The following SFXN5 variants were observed in gnomAD, a reference collection of about 807,000 sequenced individuals.
SFXN5 encodes sideroflexin 5.
SFXN5 carries 43 observed loss-of-function variants against 50.2 expected under a neutral mutation model. The ratio of observed to expected loss-of-function variants is 0.86; its 90% CI spans 0.67 to 1.11. The LOEUF (loss-of-function observed/expected upper bound fraction) is 1.11. SFXN5 is among the 50% of genes least tolerant of loss of function. The pLI, the probability that SFXN5 is intolerant of heterozygous loss-of-function variation, is 0.00. For missense variants in SFXN5, 463 were observed against 454.1 expected, an observed-to-expected ratio of 1.02 and a Z score of -0.18; for synonymous variants, 203 against 185.8, an observed-to-expected ratio of 1.09 and a Z score of -0.75.
intron 13 of SFXN5, among the ~76,000 whole-genome samples, chr2:72,955,284 G>GCCGC (rs1196636938): frequency 2.0e-5 from 3 of 151,838 alleles, no homozygotes; most frequent in East Asian, 1.9e-4. Context: ...TCGCCCGCCC[G>GCCGC]CCGCCCGCCC....
intron 6 of SFXN5, among the ~76,000 whole-genome samples, chr2:73,012,105 GTTAT>G (rs935703257): frequency 1.3e-5 from 2 of 152,130 alleles, no homozygotes; most frequent in African/African-American, 4.8e-5. Context: ...TAAGTATATT[GTTAT>G]ATTTTAATGG....
intron 8 of SFXN5, among the ~76,000 whole-genome samples, chr2:72,999,739 C>A (rs369448465): frequency 2.0e-5 from 3 of 152,144 alleles, no homozygotes; most frequent in Admixed American, 6.5e-5. Context: ...CTCCTCTCCC[C>A]CAAGGTGAGC....
Position 72,992,141 on chromosome 2 carries a change from G to T in SFXN5, c.535-3793C>A, listed in dbSNP as rs1271845131. Among the ~76,000 whole-genome samples the T allele has an allele frequency of 6.6e-6, 1 of 152,204 alleles. No homozygotes were observed. Among genetic ancestry groups the T allele is most frequent in the Admixed American group, 6.5e-5 (1 of 15,284 alleles). On this transcript the variant is annotated intron_variant, in intron 9 of 13. Transcript: ENST00000272433. The surrounding 1 kb of genome is among the most constrained non-coding windows in gnomAD (Gnocchi z 4.5). ...CTTGACCACCTATCTCCAAGGTCTGGCTACTGGGCCAGTGAATTTGCCATG... is the reference window on the plus strand; with the variant it reads ...CTTGACCACCTATCTCCAAGGTCTGTCTACTGGGCCAGTGAATTTGCCATG...
At chr2:73,057,105 C>T (rs1682241860) in intron 2 of SFXN5, among the ~76,000 whole-genome samples, 1 of 152,136 alleles carries the variant, frequency 6.6e-6, no homozygotes, top group Non-Finnish European at 1.5e-5. Flanking sequence ...AAGGGATTAA[C>T]TACTAATACA....
intron 2 of SFXN5, among the ~76,000 whole-genome samples, chr2:73,050,392 G>GCACACA (rs35090808): frequency 1.4e-5 from 2 of 146,506 alleles, no homozygotes; most frequent in African/African-American, 2.6e-5. Context: ...CACAGCGCAC[G>GCACACA]CACACACACA....
intron 6 of SFXN5, among the ~76,000 whole-genome samples, chr2:73,010,447 C>T (rs545996866): frequency 1.9e-4 from 29 of 152,278 alleles, no homozygotes; most frequent in Admixed American, 1.7e-3. Flanking sequence ...ACAATAGAAG[C>T]CAGTACTGAA....
At position 72,973,370 on chromosome 2, in the gene SFXN5, C is replaced by T. The variant is rs755320808; in HGVS notation, c.626-1685G>A. On this transcript the variant is annotated intron_variant, in intron 10 of 13. Coordinates refer to ENST00000272433, the MANE Select transcript of SFXN5 (RefSeq NM_144579.3). This position sits in a 1 kb window ranked among gnomAD's most constrained non-coding sequence, Gnocchi z 5.5. ...GGGGCGGTTCTGTGGGGCATTTGGC[C>T]ATGTTTGAGGGCATTTTCAGTGATT... 1.1e-3 allele frequency: 179 copies of T among 169,078 alleles called. 2 individuals are homozygous for T. Among genetic ancestry groups the T allele is most frequent in the Non-Finnish European group, 3.7e-4 (25 of 68,186 alleles). 10.5% of individuals were successfully genotyped at this position (169,078 alleles called of 1,614,324 possible). A position where few individuals can be genotyped will look rare whatever the true frequency, so the allele number is the denominator to read the frequency against.
intron 10 of SFXN5, among the ~76,000 whole-genome samples, chr2:72,987,350 C>T (rs1447001810): frequency 1.3e-5 from 2 of 151,658 alleles, no homozygotes; most frequent in African/African-American, 4.8e-5. Flanking sequence ...CCTCATGATC[C>T]GCCTACCTCG....
At chr2:72,970,957 G>A (rs761165900) in intron 11 of SFXN5, among the ~76,000 whole-genome samples, 19 of 152,144 alleles carry the variant, frequency 1.2e-4, no homozygotes, top group Non-Finnish European at 2.5e-4. Flanking sequence ...CAAAGTGCTA[G>A]AATTACAGGC....
rs370175665 is a variant in SFXN5, at chr2:72,965,597, GC to G, written c.827+2850del. ...CCCTAGACACTGCCGTGGGGTCGGA[GC>G]CCCACAGCCTGCCCATCTGTATGCT... On this transcript the variant is annotated intron_variant, in intron 12 of 13. Coordinates refer to ENST00000272433, the MANE Select transcript of SFXN5 (RefSeq NM_144579.3). 6.4e-4 allele frequency among the ~76,000 whole-genome samples: 98 copies of G among 152,286 alleles called. 3 individuals carry two copies. In the East Asian group the frequency reaches 0.013, roughly 20 times the overall value.
Position 73,071,622 on chromosome 2 carries a change from G to C in SFXN5, c.84C>G (p.Gly28=), listed in dbSNP as rs1683634131. ...ASSDAPPFQL[G]KPRFQQTSFY... ...TCCTCACCTGCTGGAAGCGGGGTTT[G>C]CCCAGTTGGAAAGGAGGTGCATCGC... is the stretch of plus-strand genomic sequence containing the variant. The change falls in exon 1 of 14, where the codon GGC becomes GGG. Residue 28 remains glycine, a synonymous_variant. Transcript: ENST00000272433. The C allele has an allele frequency of 8.1e-6, 13 of 1,613,698 alleles. No individual in the cohort carries two copies. In the East Asian group the frequency reaches 2.9e-4, roughly 36 times the overall value.
chr2:73,047,008 T>C (rs1291024513), intron 2 of SFXN5, among the ~76,000 whole-genome samples: 5 of 150,424 alleles, frequency 3.3e-5, no homozygotes, highest in Non-Finnish European at 5.9e-5. Flanking sequence ...AGGTGGATCA[T>C]GAGGTCAGGA....
chr2:73,025,204 C>T (rs114613869), intron 3 of SFXN5, among the ~76,000 whole-genome samples: 150 of 152,188 alleles, frequency 9.9e-4, no homozygotes, highest in African/African-American at 3.3e-3. Context: ...GCTCAGTAAG[C>T]ACCTTCCTGA....
At position 72,968,623 on chromosome 2, in the gene SFXN5, A is replaced by T; in HGVS notation, c.742-90T>A. On this transcript the variant is annotated intron_variant, in intron 11 of 13. Transcript: ENST00000272433. ...CAGAGCCCTAGGTGTGTGCCACCAC[A>T]ACGCATGTGTGTCTGAATGGCCTTA... 3 of 1,201,524 alleles carry T rather than the reference A, an allele frequency of 2.5e-6. No homozygotes were observed. The South Asian group carries it at 4.0e-5, about 16-fold the overall frequency. 74.4% of individuals were successfully genotyped at this position (1,201,524 alleles called of 1,614,324 possible).
intron 13 of SFXN5, among the ~76,000 whole-genome samples, chr2:72,947,084 C>T (rs1007087340): frequency 6.6e-6 from 1 of 152,212 alleles, no homozygotes; most frequent in African/African-American, 2.4e-5. Context: ...ACCTTCCCTC[C>T]CCTACGCTGG....
chr2:73,034,258 G>A (rs1678679459), intron 3 of SFXN5, among the ~76,000 whole-genome samples: 1 of 152,218 alleles, frequency 6.6e-6, no homozygotes, highest in Non-Finnish European at 1.5e-5. Context: ...AGAGGGGCAG[G>A]GTGCTGACCA....
chr2:72,985,282 C>T (rs1304085816), intron 10 of SFXN5, among the ~76,000 whole-genome samples: 1 of 152,124 alleles, frequency 6.6e-6, no homozygotes, highest in African/African-American at 2.4e-5. Context: ...GCCTAGCCTA[C>T]CTCGGAGACC....
At chr2:72,991,088 G>C (rs1672541459) in intron 9 of SFXN5, among the ~76,000 whole-genome samples, 1 of 152,208 alleles carries the variant, frequency 6.6e-6, no homozygotes, top group South Asian at 2.1e-4. Context: ...CCTTCCCCAT[G>C]ACAGCCTCTT....
intron 13 of SFXN5, among the ~76,000 whole-genome samples, chr2:72,952,707 C>T (rs1386028751): frequency 1.3e-5 from 2 of 152,160 alleles, no homozygotes; most frequent in African/African-American, 4.8e-5. Flanking sequence ...CTCAGTTTCC[C>T]CACATGTATG....
Sources: gnomAD v4.1 joint callset for allele counts (sites outside exome capture counted in the v4.1 genomes callset) on GRCh38, gnomAD v4.1.1 for gene constraint, Gnocchi (gnomAD v3.1) non-coding constraint, MANE v1.5 for transcripts, NCBI Gene and HGNC (gene_info 2026-07-23, HGNC 2026-07-21) for gene names.